The following AKT3 variants were observed in gnomAD, a reference collection of about 807,000 sequenced individuals.
AKT3 encodes RAC-gamma serine/threonine-protein kinase.
AKT3 carries 15 observed loss-of-function variants against 65.3 expected under a neutral mutation model. The observed-to-expected ratio is 0.23, with a 90% CI of 0.15 to 0.35. AKT3 has a LOEUF of 0.35. Ranked by LOEUF, AKT3 falls within the 10% of genes least tolerant of loss-of-function variation. The probability of loss-of-function intolerance (pLI) is 1.00; values close to 1 mark genes in which losing one functional copy is unlikely to be tolerated. For missense variants in AKT3, 243 were observed against 576.5 expected, an observed-to-expected ratio of 0.42 and a Z score of 5.92; for synonymous variants, 206 against 183.8, an observed-to-expected ratio of 1.12 and a Z score of -0.98.
At chr1:243,561,605 A>T (rs1292404504) in intron 10 of AKT3, among the ~76,000 whole-genome samples, 1 of 152,192 alleles carries the variant, frequency 6.6e-6, no homozygotes, top group Non-Finnish European at 1.5e-5. Context: ...AATAGCTGTA[A>T]TGCACTTACA....
chr1:243,535,638 T>C (rs1373931532), intron 12 of AKT3, among the ~76,000 whole-genome samples: 2 of 152,232 alleles, frequency 1.3e-5, no homozygotes, highest in Non-Finnish European at 1.5e-5. Flanking sequence ...TGATGAGGAC[T>C]TAGGTTGATT....
chr1:243,626,550 G>T (rs1019425996), intron 6 of AKT3, among the ~76,000 whole-genome samples: 2 of 152,132 alleles, frequency 1.3e-5, no homozygotes, highest in Non-Finnish European at 2.9e-5. Context: ...TCAGGATGAG[G>T]ACTGACACAG....
chr1:243,544,193 A>T lies in AKT3; in HGVS notation c.1251+1317T>A, dbSNP rs567501316. The stretch of plus-strand genomic sequence containing the variant: ...TAAACATTTTATACAAGCATCTGAA[A>T]ATCAAAGTATCAAAATCCCTGTCTG... On this transcript the variant is annotated intron_variant, in intron 12 of 13. Transcript: ENST00000673466. Among the ~76,000 whole-genome samples the T allele has an allele frequency of 3.3e-5, 5 of 151,384 alleles. No homozygotes were observed. The South Asian group carries it at 1.1e-3, about 32-fold the overall frequency.
intron 1 of AKT3, among the ~76,000 whole-genome samples, chr1:243,848,974 T>G (rs1053224190): frequency 2.0e-5 from 3 of 152,230 alleles, no homozygotes; most frequent in African/African-American, 7.2e-5. Context: ...TTTCCTCTGC[T>G]TTCAGAACAT....
At chr1:243,707,572 T>C (rs554883867) in intron 2 of AKT3, among the ~76,000 whole-genome samples, 3 of 152,154 alleles carry the variant, frequency 2.0e-5, no homozygotes, top group Admixed American at 6.5e-5. Context: ...AGTTACTCCA[T>C]ACAAAAAGAA....
intron 3 of AKT3, among the ~76,000 whole-genome samples, chr1:243,683,637 G>A (rs962540961): frequency 6.6e-6 from 1 of 151,934 alleles, no homozygotes; most frequent in African/African-American, 2.4e-5. Context: ...GCTGACCTTC[G>A]AAAAAGTTGA....
intron 2 of AKT3, among the ~76,000 whole-genome samples, chr1:243,817,320 C>G (rs1304363259): frequency 6.6e-6 from 1 of 152,206 alleles, no homozygotes; most frequent in Non-Finnish European, 1.5e-5. Flanking sequence ...GTCCATTACA[C>G]AGCATTGGTA....
intron 3 of AKT3, among the ~76,000 whole-genome samples, chr1:243,666,716 A>G (rs1406948588): frequency 6.6e-6 from 1 of 152,196 alleles, no homozygotes; most frequent in Non-Finnish European, 1.5e-5. Context: ...TAAGGCAAAA[A>G]TGCATTTAAT....
chr1:243,612,454 T>C (rs967004674), intron 8 of AKT3: 2 of 152,116 alleles, frequency 1.3e-5, no homozygotes, highest in African/African-American at 4.8e-5. Flanking sequence ...TTCCTGCAAA[T>C]CAGATAATTC....
intron 8 of AKT3, among the ~76,000 whole-genome samples, chr1:243,594,182 T>C (rs1235030921): frequency 6.6e-6 from 1 of 152,030 alleles, no homozygotes; most frequent in South Asian, 2.1e-4. Flanking sequence ...TGGGAAAAAA[T>C]TGGAATAGGT....
chr1:243,553,180 A>C (rs928431106), intron 10 of AKT3, among the ~76,000 whole-genome samples: 6 of 141,280 alleles, frequency 4.2e-5, no homozygotes, highest in Non-Finnish European at 9.5e-5. Context: ...CAGGTCGTAC[A>C]AAAAAAAAAA....
chr1:243,553,966 T>C (rs577828812), intron 10 of AKT3, among the ~76,000 whole-genome samples: 1 of 152,324 alleles, frequency 6.6e-6, no homozygotes. Flanking sequence ...AATTTATCAA[T>C]TTAAAAACAC....
chr1:243,747,362 T>G (rs1688538165), intron 2 of AKT3, among the ~76,000 whole-genome samples: 1 of 152,200 alleles, frequency 6.6e-6, no homozygotes, highest in Admixed American at 6.6e-5. Flanking sequence ...AGAGGATAAT[T>G]TCAAGAGGAA....
chr1:243,514,021 T>C (rs974385270), intron 12 of AKT3, among the ~76,000 whole-genome samples: 9 of 151,898 alleles, frequency 5.9e-5, no homozygotes, highest in Non-Finnish European at 1.3e-4. Context: ...GTTTTTTTTA[T>C]TTTTTTTAGA....
chr1:243,665,375 T>C (rs754024496), intron 3 of AKT3, among the ~76,000 whole-genome samples: 1 of 152,194 alleles, frequency 6.6e-6, no homozygotes, highest in Non-Finnish European at 1.5e-5. Flanking sequence ...TATCTTACAG[T>C]ATTACTTATC....
chr1:243,617,890 C>T (rs1572038674), intron 6 of AKT3, among the ~76,000 whole-genome samples: 1 of 152,224 alleles, frequency 6.6e-6, no homozygotes, highest in South Asian at 2.1e-4. Flanking sequence ...ATGCCTCCAA[C>T]ATGAGAGTGA....
At chr1:243,595,899 GAAGT>G in intron 8 of AKT3, among the ~76,000 whole-genome samples, 1 of 151,984 alleles carries the variant, frequency 6.6e-6, no homozygotes, top group Non-Finnish European at 1.5e-5. Flanking sequence ...ATAAAATAAA[GAAGT>G]AACACAGTCA....
At chr1:243,593,213 A>G (rs1331940497) in intron 8 of AKT3, among the ~76,000 whole-genome samples, 1 of 152,232 alleles carries the variant, frequency 6.6e-6, no homozygotes, top group Non-Finnish European at 1.5e-5. Context: ...AGACAGAACT[A>G]TTACATGAAA....
At chr1:243,776,856 A>C (rs1259994297) in intron 2 of AKT3, among the ~76,000 whole-genome samples, 2 of 152,222 alleles carry the variant, frequency 1.3e-5, no homozygotes, top group Non-Finnish European at 2.9e-5. Context: ...GGTGCCCTTA[A>C]GGAATTCGTA....
Sources: allele counts gnomAD v4.1 joint callset (sites outside exome capture counted in the v4.1 genomes callset), GRCh38; gene constraint gnomAD v4.1.1; transcripts MANE v1.5; gene names NCBI Gene and HGNC (gene_info 2026-07-23, HGNC 2026-07-21).